The following PALM2AKAP2 variants were observed in gnomAD, a reference collection of about 807,000 sequenced individuals.
PALM2AKAP2 encodes the protein PALM2-AKAP2 fusion protein.
A neutral mutation model predicts 71.5 loss-of-function variants in PALM2AKAP2; 37 were observed. The observed-to-expected ratio is 0.52, with a 90% CI of 0.40 to 0.68. The LOEUF (loss-of-function observed/expected upper bound fraction) is 0.68, where lower values mean the gene tolerates loss of function less well. Ranked by LOEUF, PALM2AKAP2 falls within the 30% of genes least tolerant of loss-of-function variation. PALM2AKAP2 has a pLI of 0.00. For missense variants in PALM2AKAP2, 1,224 were observed against 1,191.8 expected (o/e 1.03, Z -0.40); for synonymous variants, 468 against 478.8 (o/e 0.98, Z 0.29).
chr9:109,980,943 G>A (rs930426143), intron 6 of PALM2AKAP2, among the ~76,000 whole-genome samples: 2 of 152,220 alleles, frequency 1.3e-5, no homozygotes, highest in African/African-American at 4.8e-5. Context: ...TGCAGCTGGG[G>A]TGCCTCCCAG....
At chr9:109,657,993 G>A (rs2132238901) in intron 1 of PALM2AKAP2, among the ~76,000 whole-genome samples, 1 of 149,914 alleles carries the variant, frequency 6.7e-6, no homozygotes, top group Non-Finnish European at 1.5e-5. Flanking sequence ...TATGTATATT[G>A]TGGCAAAAAG....
intron 6 of PALM2AKAP2, among the ~76,000 whole-genome samples, chr9:109,965,998 T>C (rs1831940942): frequency 6.6e-6 from 1 of 152,166 alleles, no homozygotes; most frequent in South Asian, 2.1e-4. Context: ...AGCTCCTGTG[T>C]GTGGTGATGG....
chr9:109,923,281 C>T (rs1473709197), intron 3 of PALM2AKAP2, among the ~76,000 whole-genome samples: 2 of 152,196 alleles, frequency 1.3e-5, no homozygotes, highest in Admixed American at 1.3e-4. Context: ...GTACTGGCCA[C>T]CAGCTATTTC....
intron 3 of PALM2AKAP2, among the ~76,000 whole-genome samples, chr9:109,891,487 G>C (rs186124783): frequency 6.6e-6 from 1 of 151,240 alleles, no homozygotes. Flanking sequence ...TCATCATTTT[G>C]TGTGTGTGTG....
At chr9:109,941,121 T>C (rs1205265424) in intron 6 of PALM2AKAP2, among the ~76,000 whole-genome samples, 3 of 151,174 alleles carry the variant, frequency 2.0e-5, no homozygotes, top group Admixed American at 6.6e-5. Flanking sequence ...TCCTTCCCCT[T>C]CTCTTCTTCT....
At chr9:109,723,770 G>A (rs753593023) in intron 1 of PALM2AKAP2, among the ~76,000 whole-genome samples, 14 of 152,236 alleles carry the variant, frequency 9.2e-5, no homozygotes, top group Non-Finnish European at 1.6e-4. Flanking sequence ...ATAGGCATGA[G>A]CTAAAACAAA....
At chr9:110,002,938 C>G (rs1832707224) in intron 6 of PALM2AKAP2, among the ~76,000 whole-genome samples, 1 of 152,096 alleles carries the variant, frequency 6.6e-6, no homozygotes, top group Non-Finnish European at 1.5e-5. Context: ...CTTTATTAGT[C>G]TTGCTAGCGG....
At chr9:110,156,464 A>G (rs760281113) in exon 3 of PALM2AKAP2, 7 of 1,610,532 alleles carry the variant, frequency 4.3e-6, no homozygotes, top group Non-Finnish European at 4.2e-6. Context: ...AGACACACAA[A>G]TCTAAAAGGC....
chr9:109,952,102 G>T (rs1013907443), intron 6 of PALM2AKAP2, among the ~76,000 whole-genome samples: 2 of 152,210 alleles, frequency 1.3e-5, no homozygotes, highest in African/African-American at 4.8e-5. Flanking sequence ...TTGGCTTTGT[G>T]GGCCAAATGA....
rs530461750 is a variant in PALM2AKAP2 at position 109,705,443 on chromosome 9, T to C, written c.5+64577T>C. On this transcript the variant is annotated intron_variant, in intron 1 of 6. Coordinates refer to the PALM2AKAP2 transcript ENST00000374531. ...CTCTTGGATGACCTGGCACCATCGC[T>C]ACTATGTGTCACTTGTGTCCCCCAC... Among the ~76,000 whole-genome samples the C allele has an allele frequency of 5.9e-5, 9 of 152,320 alleles. No homozygotes were observed. The East Asian group carries it at 1.7e-3, about 29-fold the overall frequency.
At chr9:109,879,879 G>A (rs991036283) in intron 2 of PALM2AKAP2, among the ~76,000 whole-genome samples, 2 of 151,940 alleles carry the variant, frequency 1.3e-5, no homozygotes, top group African/African-American at 2.4e-5. Context: ...TTAATTTTTT[G>A]TAGAGACAAG....
intron 1 of PALM2AKAP2, among the ~76,000 whole-genome samples, chr9:110,051,645 G>T (rs887378350): frequency 6.6e-6 from 1 of 152,200 alleles, no homozygotes; most frequent in Non-Finnish European, 1.5e-5. Flanking sequence ...ACAGGAGCAT[G>T]CTAAAAAGTT....
intron 1 of PALM2AKAP2, among the ~76,000 whole-genome samples, chr9:109,762,558 A>G (rs144511973): frequency 1.1e-3 from 168 of 152,330 alleles, no homozygotes; most frequent in African/African-American, 3.6e-3. Context: ...GGAGCTGGCA[A>G]TGTCTTGAAA....
At chr9:109,851,511 T>G (rs984411596) in intron 1 of PALM2AKAP2, among the ~76,000 whole-genome samples, 2 of 152,114 alleles carry the variant, frequency 1.3e-5, no homozygotes, top group South Asian at 2.1e-4. Flanking sequence ...CAGACTACAG[T>G]GAAGAGAGAT....
chr9:109,740,046 G>A (rs1828695574), intron 1 of PALM2AKAP2, among the ~76,000 whole-genome samples: 1 of 152,226 alleles, frequency 6.6e-6, no homozygotes, highest in Admixed American at 6.5e-5. Context: ...ATTTTAAAAT[G>A]TAAGTGTTTT....
At chr9:109,883,646 C>T (rs542243477) in intron 3 of PALM2AKAP2, among the ~76,000 whole-genome samples, 1 of 152,330 alleles carries the variant, frequency 6.6e-6, no homozygotes, top group South Asian at 2.1e-4. Context: ...CCATAAAGGA[C>T]ACTCAGTCAC....
chr9:109,831,168 CACACACACACACACAA>C (rs1406920385), intron 1 of PALM2AKAP2, among the ~76,000 whole-genome samples: 1 of 148,234 alleles, frequency 6.7e-6, no homozygotes, highest in African/African-American at 2.4e-5. Flanking sequence ...CACACACACA[CACACACACACACACAA>C]GCATAAATAG....
At position 110,058,898 on chromosome 9, in the gene PALM2AKAP2, GTTT is replaced by G. The variant is rs202140304; in HGVS notation, c.156+10061_156+10063del. On this transcript the variant is annotated intron_variant, in intron 1 of 3. Coordinates refer to ENST00000374525, the Ensembl canonical transcript of PALM2AKAP2. The stretch of plus-strand genomic sequence containing the variant: ...TTGTATACTGATGGAAAGTTTTTTG[GTTT>G]TTTTTTTTTTTTTTTTTGAGATGGA... 6.5e-3 allele frequency among the ~76,000 whole-genome samples: 729 copies of G among 111,738 alleles called. 8 individuals carry two copies. The highest frequency in any genetic ancestry group is 0.048 in the Middle Eastern group (8 of 166). 73.3% of individuals were successfully genotyped at this position (111,738 alleles called of 152,430 possible).
intron 2 of PALM2AKAP2, among the ~76,000 whole-genome samples, chr9:109,873,068 G>A (rs1829642746): frequency 1.3e-5 from 2 of 152,040 alleles, no homozygotes; most frequent in Non-Finnish European, 2.9e-5. Flanking sequence ...GAAAGAGTGG[G>A]AAGGATAGGG....
Sources: allele counts gnomAD v4.1 joint callset (sites outside exome capture counted in the v4.1 genomes callset), GRCh38; gene constraint gnomAD v4.1.1; transcripts MANE v1.5; gene names NCBI Gene and HGNC (gene_info 2026-07-23, HGNC 2026-07-21).